The following CLUL1 variants were observed in gnomAD, a reference collection of about 807,000 sequenced individuals.
CLUL1 encodes the protein clusterin like 1.
Under a neutral mutation model 49.4 loss-of-function variants are expected in CLUL1, and 43 were observed. The observed-to-expected ratio is 0.87, with a 90% confidence interval of 0.68 to 1.12. The LOEUF (loss-of-function observed/expected upper bound fraction) is 1.12, where lower values mean the gene tolerates loss of function less well. CLUL1 is among the 50% of genes most tolerant of loss of function. The pLI is 0.00. For missense variants in CLUL1, 486 were observed against 544.4 expected (o/e 0.89, Z 1.07); for synonymous variants, 192 against 184.9 (o/e 1.04, Z -0.31).
intron 7 of CLUL1, among the ~76,000 whole-genome samples, chr18:639,118 T>A (rs1398924094): frequency 4.0e-5 from 6 of 151,224 alleles, no homozygotes; most frequent in African/African-American, 1.2e-4. Context: ...AATGTAGAAT[T>A]TTTAAACTTA....
At chr18:637,744 G>A (rs2074193171) in intron 7 of CLUL1, among the ~76,000 whole-genome samples, 1 of 152,144 alleles carries the variant, frequency 6.6e-6, no homozygotes, top group African/African-American at 2.4e-5. Flanking sequence ...GAAGGCCGAG[G>A]CGGGCGGATC....
At chr18:649,376 C>G (rs1361668715) in intron 9 of CLUL1, among the ~76,000 whole-genome samples, 1 of 152,116 alleles carries the variant, frequency 6.6e-6, no homozygotes, top group Non-Finnish European at 1.5e-5. Flanking sequence ...TCCTAAGTGC[C>G]TGGACGTTCC....
At chr18:611,565 AC>A (rs934120132) in intron 2 of CLUL1, among the ~76,000 whole-genome samples, 3 of 152,088 alleles carry the variant, frequency 2.0e-5, no homozygotes, top group African/African-American at 7.2e-5. Flanking sequence ...ACATATCAAG[AC>A]CCTGTTTCTA....
chr18:627,961 C>A (rs140707569), intron 6 of CLUL1, among the ~76,000 whole-genome samples: 1 of 152,094 alleles, frequency 6.6e-6, no homozygotes, highest in African/African-American at 2.4e-5. Flanking sequence ...GTAGCTGGGA[C>A]TACAGTTGTG....
intron 3 of CLUL1, 32 bp from the exon 4 acceptor site, chr18:619,181 T>C: frequency 8.7e-6 from 14 of 1,605,396 alleles, no homozygotes; most frequent in Non-Finnish European, 1.2e-5. Flanking sequence ...TCTGATCAGA[T>C]CTCAAAGAAA....
intron 2 of CLUL1, chr18:616,812 TAGA>T (rs1197455466): frequency 5.9e-6 from 2 of 336,998 alleles, no homozygotes; most frequent in South Asian, 1.2e-4. Context: ...AGAGTAATGA[TAGA>T]AGAAGAGTTA....
intron 2 of CLUL1, among the ~76,000 whole-genome samples, chr18:610,083 G>GTTA (rs201127802): frequency 0.01 from 1,251 of 119,658 alleles, 17 homozygotes; most frequent in Non-Finnish European, 0.01. Context: ...ATTCCTCTAT[G>GTTA]TTATCAAATA....
At position 614,660 on chromosome 18, in the gene CLUL1, C is replaced by T. The variant is rs781151497; in HGVS notation, c.-13-3328C>T. 2.7e-4 allele frequency: 41 copies of T among 152,238 alleles called. 1 individual carries two copies. Among genetic ancestry groups the T allele is most frequent in the African/African-American group, 9.2e-4 (38 of 41,464 alleles). The allele number at this position is 152,238 out of a possible 1,614,324, so 9.4% of individuals were successfully genotyped here. Reference sequence around the variant, plus strand: ...CTGTGGATCTCAGTTGAGGAGAACTCGTTAGAGATTTGCCCTCTTTCTGTC... The same window carrying T: ...CTGTGGATCTCAGTTGAGGAGAACTTGTTAGAGATTTGCCCTCTTTCTGTC... On this transcript the variant is annotated intron_variant, in intron 2 of 9. Coordinates refer to ENST00000692774, the MANE Select transcript of CLUL1 (RefSeq NM_001393344.1).
intron 5 of CLUL1, among the ~76,000 whole-genome samples, chr18:626,620 A>G (rs1470334901): frequency 6.6e-6 from 1 of 151,384 alleles, no homozygotes; most frequent in Non-Finnish European, 1.5e-5. Flanking sequence ...GCACTTTGGG[A>G]GGCCAAGGCA....
intron 9 of CLUL1, 163 bp from the exon 10 acceptor site, chr18:649,735 T>C (rs1022675654): frequency 3.6e-6 from 2 of 559,898 alleles, no homozygotes; most frequent in Non-Finnish European, 6.4e-6. Flanking sequence ...TCCATGCATA[T>C]GGGTTTCACA....
rs1369748833 is a variant in CLUL1, at chr18:606,258, C to T, written c.-135-720C>T. Among the ~76,000 whole-genome samples, 1 of 152,142 alleles carries T rather than the reference C, an allele frequency of 6.6e-6. No individual in the cohort carries two copies. Among genetic ancestry groups the T allele is most frequent in the Non-Finnish European group, 1.5e-5 (1 of 68,028 alleles). On this transcript the variant is annotated intron_variant, in intron 1 of 9. Transcript: ENST00000692774. This position sits in a 1 kb window ranked among gnomAD's most constrained non-coding sequence, Gnocchi z 4.1. ...GACCCACAACAGGGAGAAGGACGGC[C>T]ACAGTCCCTCAATCCCCCTTTTCCA...
intron 9 of CLUL1, among the ~76,000 whole-genome samples, chr18:645,637 A>T (rs2074451903): frequency 6.7e-6 from 1 of 149,990 alleles, no homozygotes; most frequent in African/African-American, 2.4e-5. Context: ...CTACTAAAAT[A>T]AAAAAAATTA....
rs1265886039 is a variant in CLUL1 at position 618,254 on chromosome 18, G to A, written c.106+148G>A. The A allele has an allele frequency of 9.9e-6, 6 of 607,714 alleles. No homozygotes were observed. Among genetic ancestry groups the A allele is most frequent in the East Asian group, 2.8e-5 (1 of 35,360 alleles). The allele number at this position is 607,714 out of a possible 1,614,324, so 37.6% of individuals were successfully genotyped here. A position where few individuals can be genotyped will look rare whatever the true frequency, so the allele number is the denominator to read the frequency against. ...GGCGCTTAAACCAGGTCATCCTGAC[G>A]CCAAACATCTGGGTAAAAATAGAAA... On this transcript the variant is annotated intron_variant, in intron 3 of 9. Transcript: ENST00000692774. This position sits in a 1 kb window ranked among gnomAD's most constrained non-coding sequence, Gnocchi z 4.2.
At chr18:608,387 G>A (rs756123278) in intron 2 of CLUL1, among the ~76,000 whole-genome samples, 12 of 152,150 alleles carry the variant, frequency 7.9e-5, no homozygotes, top group African/African-American at 2.7e-4. Context: ...GGTATTATCC[G>A]ATCTTGGTGA....
At chr18:641,630 T>A in intron 8 of CLUL1, 89 bp downstream of exon 8, 1 of 1,145,734 alleles carries the variant, frequency 8.7e-7, no homozygotes, top group Non-Finnish European at 1.3e-6. Flanking sequence ...TGTCTGAATT[T>A]GAAAACAAGC....
At chr18:610,461 C>G (rs562533909) in intron 2 of CLUL1, among the ~76,000 whole-genome samples, 1 of 152,200 alleles carries the variant, frequency 6.6e-6, no homozygotes, top group East Asian at 1.9e-4. Flanking sequence ...GGGGAAAAAG[C>G]TGGGTTAGGA....
At chr18:645,802 AAAAAAAAAATATATATATATATAT>A (rs1359965006) in intron 9 of CLUL1, among the ~76,000 whole-genome samples, 6 of 50,204 alleles carry the variant, frequency 1.2e-4, no homozygotes, top group African/African-American at 5.0e-4. Flanking sequence ...TAAAAAAAAA[AAAAAAAAAATATATATATATATAT>A]ATATATATAT....
intron 7 of CLUL1, among the ~76,000 whole-genome samples, chr18:637,187 C>T (rs950698015): frequency 2.0e-5 from 3 of 151,866 alleles, no homozygotes; most frequent in Middle Eastern, 3.4e-3. Flanking sequence ...GGGGTTTCAC[C>T]GTGTTAGCCA....
In CLUL1 at chr18:649,896, A is replaced by G. The variant is rs866132017; in HGVS notation, c.1398-2A>G. The G allele has an allele frequency of 1.5e-6, 2 of 1,321,282 alleles. No homozygotes were observed. The highest frequency in any genetic ancestry group is 2.1e-6 in the Non-Finnish European group (2 of 933,702). 81.8% of individuals were successfully genotyped at this position (1,321,282 alleles called of 1,614,324 possible). ...ATTGCTGCCTTTTTTTTTTTTTTTA[A>G]GGTAAGAAGATCTAATGCATCCTAT... On this transcript the variant is annotated splice_acceptor_variant, in intron 9 of 9. Transcript: ENST00000692774. LOFTEE classifies it high-confidence loss of function.
Sources: gnomAD v4.1 joint callset for allele counts (sites outside exome capture counted in the v4.1 genomes callset) on GRCh38, gnomAD v4.1.1 for gene constraint, Gnocchi (gnomAD v3.1) non-coding constraint, MANE v1.5 for transcripts, NCBI Gene and HGNC (gene_info 2026-07-23, HGNC 2026-07-21) for gene names.